SNX29: variants seen among roughly 807,000 people sequenced by gnomAD.
The protein encoded by SNX29 is sorting nexin-29.
In SNX29, 78 loss-of-function variants were observed where a neutral mutation model predicts 102.1. The ratio of observed to expected loss-of-function variants is 0.76; its 90% CI spans 0.64 to 0.92. The LOEUF (loss-of-function observed/expected upper bound fraction) is 0.92. Ranked by LOEUF, SNX29 falls within the 40% of genes least tolerant of loss-of-function variation. The pLI, the probability that SNX29 is intolerant of heterozygous loss-of-function variation, is 0.00. For missense variants in SNX29, 1,280 were observed against 1,061.7 expected (o/e 1.21, Z -2.86); for synonymous variants, 580 against 414.5 (o/e 1.40, Z -4.85).
intron 18 of SNX29, among the ~76,000 whole-genome samples, chr16:12,435,956 G>A (rs1036216653): frequency 3.3e-5 from 5 of 152,210 alleles, no homozygotes; most frequent in African/African-American, 9.6e-5. Context: ...CGTGCCGCGC[G>A]TTACTTCCCG....
chr16:12,116,749 C>T (rs1325998082), intron 11 of SNX29, among the ~76,000 whole-genome samples: 2 of 152,182 alleles, frequency 1.3e-5, no homozygotes, highest in African/African-American at 2.4e-5. Flanking sequence ...TCAATACATG[C>T]TTCAACACAG....
chr16:12,545,813 T>C (rs1258260038), intron 20 of SNX29, among the ~76,000 whole-genome samples: 2 of 152,110 alleles, frequency 1.3e-5, no homozygotes, highest in African/African-American at 4.8e-5. Context: ...GCCTCCCTAC[T>C]GACTCTCCAG....
At chr16:12,312,377 C>T (rs550060840) in intron 15 of SNX29, among the ~76,000 whole-genome samples, 2 of 152,204 alleles carry the variant, frequency 1.3e-5, no homozygotes, top group African/African-American at 4.8e-5. Context: ...AGTTGAAAAA[C>T]TGGCAACTGC....
chr16:12,425,379 C>CCT (rs1010023109), intron 18 of SNX29, among the ~76,000 whole-genome samples: 1 of 151,764 alleles, frequency 6.6e-6, no homozygotes, highest in African/African-American at 2.4e-5. Flanking sequence ...GCCCCTGAGG[C>CCT]CTCTGGTCTC....
In SNX29 at chr16:12,008,454, A is replaced by G. The variant is rs1596577830; in HGVS notation, c.122+5411A>G. On this transcript the variant is annotated intron_variant, in intron 3 of 20. Coordinates refer to ENST00000566228, the MANE Select transcript of SNX29 (RefSeq NM_032167.5). ...CTGGCTAATTTTGTATTTTTAGTAG[A>G]GACAGTATTTCTCCATGTTGGTCAG... Among the ~76,000 whole-genome samples the G allele has an allele frequency of 3.3e-5, 5 of 151,016 alleles. No individual in the cohort carries two copies. The East Asian group carries it at 9.8e-4, about 30-fold the overall frequency.
chr16:12,030,460 T>G (rs1338362179), intron 4 of SNX29, among the ~76,000 whole-genome samples: 1 of 152,178 alleles, frequency 6.6e-6, no homozygotes, highest in Non-Finnish European at 1.5e-5. Flanking sequence ...TTGGGCTTCC[T>G]CCCAGCCTTC....
At position 12,190,928 on chromosome 16, in the gene SNX29, C is replaced by T. The variant is rs149872934; in HGVS notation, c.1596-8673C>T. Among the ~76,000 whole-genome samples the T allele has an allele frequency of 9.7e-4, 148 of 152,234 alleles. 1 individual carries two copies. The highest frequency in any genetic ancestry group is 3.5e-3 in the South Asian group (17 of 4,818). On this transcript the variant is annotated intron_variant, in intron 13 of 20. Transcript: ENST00000566228. ...GCCCTGATGACCTCAGTGCCAGAGG[C>T]GCTGGCTGGCTGGGTTTATTCCTTC...
chr16:12,265,908 T>C (rs935134744), intron 14 of SNX29, among the ~76,000 whole-genome samples: 23 of 151,856 alleles, frequency 1.5e-4, no homozygotes, highest in African/African-American at 5.3e-4. Flanking sequence ...AAAACTCTCA[T>C]ATCTTTGACA....
intron 11 of SNX29, among the ~76,000 whole-genome samples, chr16:12,083,588 T>C (rs112219395): frequency 0.014 from 2,205 of 152,264 alleles, 58 homozygotes; most frequent in African/African-American, 0.049. Context: ...TAAACTCCGA[T>C]TGGGAGTTAG....
intron 13 of SNX29, among the ~76,000 whole-genome samples, chr16:12,144,197 C>T (rs2054968550): frequency 6.6e-6 from 1 of 152,106 alleles, no homozygotes; most frequent in Non-Finnish European, 1.5e-5. Flanking sequence ...CATTGAAAAC[C>T]TTAGAAAGGC....
At chr16:12,429,505 C>G (rs2085225768) in intron 18 of SNX29, among the ~76,000 whole-genome samples, 1 of 152,202 alleles carries the variant, frequency 6.6e-6, no homozygotes, top group South Asian at 2.1e-4. Flanking sequence ...ACTGAAGCCT[C>G]AAATGCTTGG....
intron 20 of SNX29, among the ~76,000 whole-genome samples, chr16:12,556,729 G>A (rs904035666): frequency 1.4e-4 from 22 of 152,180 alleles, no homozygotes; most frequent in Non-Finnish European, 7.3e-5. Context: ...ATTTTGTTTG[G>A]AATGTGAATA....
chr16:12,398,186 G>T (rs573409355), intron 16 of SNX29, among the ~76,000 whole-genome samples: 2 of 152,094 alleles, frequency 1.3e-5, no homozygotes, highest in Non-Finnish European at 2.9e-5. Flanking sequence ...ACATGCCTGT[G>T]ATTATCTCAA....
At chr16:12,565,496 C>T (rs189809448) in intron 20 of SNX29, among the ~76,000 whole-genome samples, 1 of 152,192 alleles carries the variant, frequency 6.6e-6, no homozygotes, top group African/African-American at 2.4e-5. Flanking sequence ...TGCCTCCAAG[C>T]CTGTGTCCCG....
chr16:12,554,971 G>GGGGGGGA (rs1257852197), intron 20 of SNX29, among the ~76,000 whole-genome samples: 8 of 150,916 alleles, frequency 5.3e-5, no homozygotes, highest in African/African-American at 1.7e-4. Flanking sequence ...GTGGTGAGGG[G>GGGGGGGA]GGTCAGTCAG....
Position 12,561,573 on chromosome 16 carries a change from G to A in SNX29, c.2319-6933G>A, listed in dbSNP as rs372381789. Among the ~76,000 whole-genome samples the A allele has an allele frequency of 1.4e-4, 22 of 152,164 alleles. No individual in the cohort carries two copies. In the South Asian group the frequency reaches 2.1e-3, roughly 15 times the overall value. On this transcript the variant is annotated intron_variant, in intron 20 of 20. Coordinates refer to ENST00000566228, the MANE Select transcript of SNX29 (RefSeq NM_032167.5). ...CACTGATGAGCAGTTGAGGCTGTCC[G>A]ATTAATGTCAGCCGCATGCTGGTGA...
intron 11 of SNX29, among the ~76,000 whole-genome samples, chr16:12,120,932 C>A (rs975096230): frequency 6.6e-6 from 1 of 152,184 alleles, no homozygotes; most frequent in African/African-American, 2.4e-5. Context: ...TGTGAACCTG[C>A]TGGTTAGTGT....
Position 12,087,589 on chromosome 16 carries a change from C to T in SNX29, c.1402+8674C>T, listed in dbSNP as rs183787667. ...CCCAGCCTGGGCAACAGAGCAAGAC[C>T]TGCCTCTTAAACATTTAAGGTAATG... On this transcript the variant is annotated intron_variant, in intron 11 of 20. Transcript: ENST00000566228. 138 of 343,370 alleles carry T rather than the reference C, an allele frequency of 4.0e-4. 1 individual carries two copies. The highest frequency in any genetic ancestry group is 2.9e-3 in the African/African-American group (133 of 46,628). 21.3% of individuals were successfully genotyped at this position (343,370 alleles called of 1,614,324 possible). A position where few individuals can be genotyped will look rare whatever the true frequency, so the allele number is the denominator to read the frequency against.
intron 20 of SNX29, among the ~76,000 whole-genome samples, chr16:12,555,177 T>G (rs1049088607): frequency 1.3e-5 from 2 of 151,842 alleles, no homozygotes; most frequent in African/African-American, 4.8e-5. Context: ...TCAGTGGGGT[T>G]ACTCAGGTGT....
Sources: gnomAD v4.1 joint callset for allele counts (sites outside exome capture counted in the v4.1 genomes callset) on GRCh38, gnomAD v4.1.1 for gene constraint, MANE v1.5 for transcripts, NCBI Gene and HGNC (gene_info 2026-07-23, HGNC 2026-07-21) for gene names.